The following PLCXD3 variants were observed in gnomAD, a reference collection of about 807,000 sequenced individuals.
PLCXD3 encodes the protein PI-PLC X domain-containing protein 3.
PLCXD3 carries 19 observed loss-of-function variants against 25.5 expected under a neutral mutation model. That is an observed-to-expected ratio of 0.75 (90% CI 0.52 to 1.09). PLCXD3 has a LOEUF of 1.09. PLCXD3 is among the 50% of genes least tolerant of loss of function. PLCXD3 has a pLI of 0.00. For synonymous variants in PLCXD3, 174 were observed against 137.6 expected (o/e 1.26, Z -1.85); for missense variants, 411 against 388.1 (o/e 1.06, Z -0.50).
intron 2 of PLCXD3, among the ~76,000 whole-genome samples, chr5:41,379,916 T>G (rs947478182): frequency 6.6e-6 from 1 of 152,106 alleles, no homozygotes; most frequent in Non-Finnish European, 1.5e-5. Context: ...AGTCATGCAC[T>G]TTCATAGAGT....
chr5:41,313,511 C>A lies in PLCXD3; in HGVS notation c.*106G>T, dbSNP rs1320827492. ...TTTCCCACCCACTACCAGCCCTATT[C>A]CCTTCAGAGACTCAGTGGAATAGGA... On this transcript the variant is annotated 3_prime_UTR_variant, in exon 3 of 3. Coordinates refer to ENST00000377801, the MANE Select transcript of PLCXD3 (RefSeq NM_001005473.3). The A allele has an allele frequency of 7.2e-7, 1 of 1,385,074 alleles. No individual in the cohort carries two copies. The highest frequency in any genetic ancestry group is 1.0e-6 in the Non-Finnish European group (1 of 987,608). The allele number at this position is 1,385,074 out of a possible 1,614,324, so 85.8% of individuals were successfully genotyped here. A position where few individuals can be genotyped will look rare whatever the true frequency, so the allele number is the denominator to read the frequency against.
intron 2 of PLCXD3, among the ~76,000 whole-genome samples, chr5:41,355,211 T>A (rs924978743): frequency 1.7e-4 from 26 of 152,166 alleles, no homozygotes; most frequent in African/African-American, 6.3e-4. Flanking sequence ...CTTGATTATA[T>A]GACAGACAGA....
At chr5:41,314,852 T>G (rs796776344) in intron 2 of PLCXD3, among the ~76,000 whole-genome samples, 4 of 152,266 alleles carry the variant, frequency 2.6e-5, no homozygotes, top group African/African-American at 9.6e-5. Flanking sequence ...GTGATTTGAC[T>G]TTCACTATAA....
chr5:41,364,908 G>A (rs1465228577), intron 2 of PLCXD3, among the ~76,000 whole-genome samples: 5 of 152,160 alleles, frequency 3.3e-5, no homozygotes, highest in Admixed American at 2.6e-4. Context: ...AAATCTCAAA[G>A]CATATTTTTC....
At chr5:41,359,815 G>A (rs1744723820) in intron 2 of PLCXD3, among the ~76,000 whole-genome samples, 1 of 152,070 alleles carries the variant, frequency 6.6e-6, no homozygotes, top group Admixed American at 6.6e-5. Context: ...ATGTGCCTAG[G>A]TGATAATCTC....
In PLCXD3 at chr5:41,346,308, G is replaced by A. The variant is rs552994834; in HGVS notation, c.813-32538C>T. On this transcript the variant is annotated intron_variant, in intron 2 of 2. Coordinates refer to ENST00000377801, the MANE Select transcript of PLCXD3 (RefSeq NM_001005473.3). ...CATCTTGCATTAGTGGAGTATATTTGTTAGAATTGATAAACTAGTTGTAAT... is the reference window on the plus strand; with the variant it reads ...CATCTTGCATTAGTGGAGTATATTTATTAGAATTGATAAACTAGTTGTAAT... 8.5e-5 allele frequency among the ~76,000 whole-genome samples: 13 copies of A among 152,258 alleles called. No homozygotes were observed. In the East Asian group the frequency reaches 2.5e-3, roughly 29 times the overall value.
chr5:41,313,602 C>A lies in PLCXD3; in HGVS notation c.*15G>T. ...GCTTTCTCCATCTTATTCATGGAAA[C>A]TCCAAGTAGTGCTATCAAGTGTTGG... On this transcript the variant is annotated 3_prime_UTR_variant, in exon 3 of 3. Transcript: ENST00000377801. 6.2e-7 allele frequency: 1 copy of A among 1,613,544 alleles called. No homozygotes were observed. Among genetic ancestry groups the A allele is most frequent in the Non-Finnish European group, 8.5e-7 (1 of 1,179,602 alleles).
chr5:41,496,836 G>A (rs1431807533), intron 1 of PLCXD3, among the ~76,000 whole-genome samples: 3 of 151,416 alleles, frequency 2.0e-5, no homozygotes, highest in African/African-American at 7.3e-5. Flanking sequence ...TTTCAATTCA[G>A]GTATAAGAGT....
chr5:41,334,672 G>A (rs1011962962), intron 2 of PLCXD3, among the ~76,000 whole-genome samples: 2 of 152,064 alleles, frequency 1.3e-5, no homozygotes, highest in Non-Finnish European at 2.9e-5. Context: ...CTTTGATAAT[G>A]GCAACAGCAG....
At chr5:41,334,066 C>T (rs943445128) in intron 2 of PLCXD3, among the ~76,000 whole-genome samples, 1 of 152,180 alleles carries the variant, frequency 6.6e-6, no homozygotes, top group Non-Finnish European at 1.5e-5. Flanking sequence ...GAAACAAGCA[C>T]AGCCTTTGCT....
chr5:41,347,722 A>G (rs1744340248), intron 2 of PLCXD3, among the ~76,000 whole-genome samples: 1 of 152,140 alleles, frequency 6.6e-6, no homozygotes, highest in South Asian at 2.1e-4. Context: ...GTCCTGAGTT[A>G]TAATTGTCTC....
intron 1 of PLCXD3, among the ~76,000 whole-genome samples, chr5:41,499,421 T>C (rs574614967): frequency 6.6e-6 from 1 of 151,720 alleles, no homozygotes; most frequent in South Asian, 2.1e-4. Context: ...AACAAAATAC[T>C]TTGGAATAAA....
chr5:41,459,813 T>C (rs1377671961), intron 1 of PLCXD3, among the ~76,000 whole-genome samples: 2 of 151,938 alleles, frequency 1.3e-5, no homozygotes, highest in Admixed American at 6.6e-5. Flanking sequence ...AACTTTCTTT[T>C]GTACCCAACT....
At chr5:41,472,480 A>C (rs998298821) in intron 1 of PLCXD3, among the ~76,000 whole-genome samples, 2 of 152,256 alleles carry the variant, frequency 1.3e-5, no homozygotes, top group African/African-American at 4.8e-5. Flanking sequence ...AACTGTGTTA[A>C]ATTGTATGTG....
intron 1 of PLCXD3, among the ~76,000 whole-genome samples, chr5:41,483,780 G>T (rs1748461992): frequency 6.6e-6 from 1 of 152,178 alleles, no homozygotes; most frequent in East Asian, 1.9e-4. Flanking sequence ...AGTCTTAAAA[G>T]GAATTGCTGA....
At chr5:41,361,088 G>C (rs190702236) in intron 2 of PLCXD3, among the ~76,000 whole-genome samples, 9 of 152,040 alleles carry the variant, frequency 5.9e-5, no homozygotes, top group Non-Finnish European at 1.2e-4. Context: ...TGGCTGCTGT[G>C]GGGGATGGGG....
chr5:41,509,834 C>T (rs959471850), intron 1 of PLCXD3, among the ~76,000 whole-genome samples: 1 of 152,228 alleles, frequency 6.6e-6, no homozygotes, highest in Non-Finnish European at 1.5e-5. Flanking sequence ...CTGCCCGTCG[C>T]CCCCTTGGGC....
At chr5:41,331,041 A>G (rs533214633) in intron 2 of PLCXD3, among the ~76,000 whole-genome samples, 2 of 152,012 alleles carry the variant, frequency 1.3e-5, no homozygotes, top group African/African-American at 4.8e-5. Context: ...GGCACAAGAC[A>G]GGGATGCCCT....
At chr5:41,417,591 C>A (rs897807) in intron 1 of PLCXD3, among the ~76,000 whole-genome samples, 24,507 of 152,184 alleles carry the variant, frequency 0.16, 2,598 homozygotes, top group African/African-American at 0.29. Flanking sequence ...GAAAGAAAAT[C>A]CTGGAACAGA....
Sources: gnomAD v4.1 joint callset for allele counts (sites outside exome capture counted in the v4.1 genomes callset) on GRCh38, gnomAD v4.1.1 for gene constraint, MANE v1.5 for transcripts, NCBI Gene and HGNC (gene_info 2026-07-23, HGNC 2026-07-21) for gene names.